Variants in ULK4 observed in about 807,000 individuals in gnomAD.
The protein encoded by ULK4 is unc-51 like kinase 4.
A neutral mutation model predicts 160.6 loss-of-function variants in ULK4; 133 were observed. That is an observed-to-expected ratio of 0.83 (90% CI 0.72 to 0.96). ULK4 has a LOEUF of 0.96. Ranked by LOEUF, ULK4 falls within the 40% of genes least tolerant of loss-of-function variation. The pLI is 0.00. For missense variants in ULK4, 1,580 were observed against 1,499.5 expected (o/e 1.05, Z -0.89); for synonymous variants, 534 against 539.8 (o/e 0.99, Z 0.15).
At chr3:41,804,493 C>A (rs2040574078) in intron 19 of ULK4, among the ~76,000 whole-genome samples, 1 of 150,746 alleles carries the variant, frequency 6.6e-6, no homozygotes, top group African/African-American at 2.4e-5. Context: ...TTAATTAGAT[C>A]CCATTTGTCA....
At chr3:41,320,970 T>C (rs1463707233) in intron 35 of ULK4, among the ~76,000 whole-genome samples, 1 of 151,952 alleles carries the variant, frequency 6.6e-6, no homozygotes, top group Non-Finnish European at 1.5e-5. Flanking sequence ...CTGGAACAAG[T>C]TTTAAGATGC....
chr3:41,300,692 A>G (rs1341559538), intron 35 of ULK4, among the ~76,000 whole-genome samples: 1 of 151,760 alleles, frequency 6.6e-6, no homozygotes, highest in Admixed American at 6.6e-5. Flanking sequence ...AGCATCACAC[A>G]GATCCCAGTT....
intron 30 of ULK4, among the ~76,000 whole-genome samples, chr3:41,634,363 A>G (rs1315288125): frequency 6.6e-6 from 1 of 152,200 alleles, no homozygotes; most frequent in Non-Finnish European, 1.5e-5. Flanking sequence ...TTCATCTGGA[A>G]GGTACAAACT....
chr3:41,281,378 T>C (rs2079349070), intron 35 of ULK4, among the ~76,000 whole-genome samples: 1 of 152,180 alleles, frequency 6.6e-6, no homozygotes, highest in Non-Finnish European at 1.5e-5. Flanking sequence ...ATATCCCTGA[T>C]GAACATCAAT....
intron 21 of ULK4, among the ~76,000 whole-genome samples, chr3:41,763,532 G>C (rs536214769): frequency 6.6e-6 from 1 of 152,310 alleles, no homozygotes; most frequent in South Asian, 2.1e-4. Flanking sequence ...GTTAGCTATA[G>C]TAGTAGTTGG....
At chr3:41,417,974 T>C (rs1047140511) in intron 34 of ULK4, among the ~76,000 whole-genome samples, 1 of 152,094 alleles carries the variant, frequency 6.6e-6, no homozygotes, top group African/African-American at 2.4e-5. Context: ...CAAAAGATAA[T>C]ACATTTTTAT....
intron 32 of ULK4, among the ~76,000 whole-genome samples, chr3:41,474,076 A>C (rs2084069924): frequency 6.6e-6 from 1 of 152,194 alleles, no homozygotes; most frequent in South Asian, 2.1e-4. Context: ...AAAAGAACGA[A>C]GCTAGAGACG....
chr3:41,457,387 G>A lies in ULK4; in HGVS notation c.3394-1792C>T, dbSNP rs192549886. ...TACGTCATAGTCGCCAAGAAACATC[G>A]ACCCAGCCTACCAGTATTCATGTGG... On this transcript the variant is annotated intron_variant, in intron 33 of 36. Coordinates refer to ENST00000301831, the MANE Select transcript of ULK4 (RefSeq NM_017886.4). Among the ~76,000 whole-genome samples the A allele has an allele frequency of 2.1e-3, 321 of 152,140 alleles. 2 individuals carry two copies. Among genetic ancestry groups the A allele is most frequent in the South Asian group, 0.019 (92 of 4,820 alleles).
chr3:41,379,143 A>T (rs887472640), intron 35 of ULK4, among the ~76,000 whole-genome samples: 3 of 152,050 alleles, frequency 2.0e-5, no homozygotes, highest in Admixed American at 6.6e-5. Flanking sequence ...ACCATGGCAC[A>T]TGTATACCTA....
At chr3:41,820,898 T>C (rs960354356) in intron 18 of ULK4, among the ~76,000 whole-genome samples, 3 of 152,224 alleles carry the variant, frequency 2.0e-5, no homozygotes, top group Non-Finnish European at 4.4e-5. Flanking sequence ...ATTCCACATA[T>C]GGTTATACCC....
At chr3:41,716,225 T>TAAC (rs1333091117) in intron 23 of ULK4, among the ~76,000 whole-genome samples, 9 of 129,398 alleles carry the variant, frequency 7.0e-5, no homozygotes, top group African/African-American at 3.5e-4. Context: ...AAAATAATAA[T>TAAC]AATAATAATA....
chr3:41,563,796 G>A (rs1021243505), intron 32 of ULK4, among the ~76,000 whole-genome samples: 1 of 152,066 alleles, frequency 6.6e-6, no homozygotes, highest in African/African-American at 2.4e-5. Context: ...CCTGGAGATG[G>A]GTTAGAACAT....
chr3:41,593,916 C>T (rs1457193488), intron 31 of ULK4, among the ~76,000 whole-genome samples: 4 of 151,626 alleles, frequency 2.6e-5, no homozygotes, highest in Admixed American at 1.3e-4. Flanking sequence ...ATCTGTAGTC[C>T]CAGCTACCGG....
intron 2 of ULK4, among the ~76,000 whole-genome samples, chr3:41,943,041 A>G (rs1244844391): frequency 6.6e-6 from 1 of 151,706 alleles, no homozygotes; most frequent in African/African-American, 2.4e-5. Context: ...GTGAAACCCC[A>G]TCTCTACTAA....
intron 16 of ULK4, among the ~76,000 whole-genome samples, chr3:41,886,084 GGACC>G (rs1176352449): frequency 6.6e-6 from 1 of 152,044 alleles, no homozygotes; most frequent in Non-Finnish European, 1.5e-5. Context: ...CTCATAAGTA[GGACC>G]AACAACAATA....
intron 35 of ULK4, among the ~76,000 whole-genome samples, chr3:41,252,783 A>G (rs1214243913): frequency 6.6e-6 from 1 of 152,160 alleles, no homozygotes; most frequent in Non-Finnish European, 1.5e-5. Context: ...ATGCTCAAAG[A>G]AATAAATCTA....
At chr3:41,841,440 G>A (rs1454189130) in intron 17 of ULK4, among the ~76,000 whole-genome samples, 11 of 141,252 alleles carry the variant, frequency 7.8e-5, no homozygotes, top group African/African-American at 2.7e-4. Flanking sequence ...CTGGGAAGTG[G>A]GCACCTCTGC....
chr3:41,540,778 C>CTATGA (rs765297993), intron 32 of ULK4, among the ~76,000 whole-genome samples: 12 of 152,154 alleles, frequency 7.9e-5, no homozygotes, highest in Non-Finnish European at 1.8e-4. Context: ...TTGCAGTTCT[C>CTATGA]TATGACCAGT....
chr3:41,549,387 A>G (rs1219902355), intron 32 of ULK4, among the ~76,000 whole-genome samples: 2 of 152,222 alleles, frequency 1.3e-5, no homozygotes, highest in Non-Finnish European at 2.9e-5. Context: ...CTGAAGAATT[A>G]AATGAATGGA....
Sources: gnomAD v4.1 joint callset for allele counts (sites outside exome capture counted in the v4.1 genomes callset) on GRCh38, gnomAD v4.1.1 for gene constraint, MANE v1.5 for transcripts, NCBI Gene and HGNC (gene_info 2026-07-23, HGNC 2026-07-21) for gene names.